LRRC7: variants seen among roughly 807,000 people sequenced by gnomAD.
LRRC7 encodes the protein leucine-rich repeat-containing protein 7.
In LRRC7, 23 loss-of-function variants were observed where a neutral mutation model predicts 175.7. The ratio of observed to expected loss-of-function variants is 0.13; its 90% confidence interval spans 0.09 to 0.19. The LOEUF (loss-of-function observed/expected upper bound fraction) is 0.19. Ranked by LOEUF, LRRC7 falls within the 10% of genes least tolerant of loss-of-function variation. The probability of loss-of-function intolerance (pLI) is 1.00; values close to 1 mark genes in which losing one functional copy is unlikely to be tolerated. For missense variants in LRRC7, 1,354 were observed against 1,904.7 expected (o/e 0.71, Z 5.38); for synonymous variants, 685 against 680.9 (o/e 1.01, Z -0.09).
chr1:70,037,026 C>G (rs1431116029), intron 20 of LRRC7, among the ~76,000 whole-genome samples: 1 of 152,050 alleles, frequency 6.6e-6, no homozygotes, highest in Non-Finnish European at 1.5e-5. Flanking sequence ...TCATTGCTAT[C>G]GTCATCATAA....
At chr1:70,054,363 A>T (rs12563554) in intron 23 of LRRC7, among the ~76,000 whole-genome samples, 4 of 152,178 alleles carry the variant, frequency 2.6e-5, no homozygotes, top group Non-Finnish European at 5.9e-5. Flanking sequence ...CATATGTAAT[A>T]CCATGTTTAC....
chr1:69,664,989 G>C (rs1170904396), intron 1 of LRRC7, among the ~76,000 whole-genome samples: 2 of 152,118 alleles, frequency 1.3e-5, no homozygotes, highest in Non-Finnish European at 2.9e-5. Context: ...TATATGGTGA[G>C]AGATAGGTGT....
chr1:70,084,592 T>C (rs1663463838), intron 24 of LRRC7, among the ~76,000 whole-genome samples: 1 of 152,192 alleles, frequency 6.6e-6, no homozygotes, highest in Non-Finnish European at 1.5e-5. Flanking sequence ...TTTTGGCTAT[T>C]AAGAATAGCA....
intron 1 of LRRC7, chr1:69,608,041 T>G (rs1037099232): frequency 6.5e-6 from 1 of 152,764 alleles, no homozygotes; most frequent in Non-Finnish European, 1.5e-5. Flanking sequence ...ATAGCTGACG[T>G]GGGAGGTAGT....
intron 4 of LRRC7, among the ~76,000 whole-genome samples, chr1:69,809,912 T>A (rs1677618014): frequency 1.3e-5 from 2 of 152,164 alleles, no homozygotes; most frequent in African/African-American, 4.8e-5. Flanking sequence ...GTATTGGAAG[T>A]TCTGGCCAGG....
intron 1 of LRRC7, among the ~76,000 whole-genome samples, chr1:69,668,954 G>A (rs1410823644): frequency 6.6e-6 from 1 of 152,132 alleles, no homozygotes; most frequent in Admixed American, 6.5e-5. Context: ...CTTTTGAGAA[G>A]TGTCTGTTCA....
At chr1:69,903,151 G>T (rs912717655) in intron 7 of LRRC7, among the ~76,000 whole-genome samples, 1 of 152,178 alleles carries the variant, frequency 6.6e-6, no homozygotes, top group African/African-American at 2.4e-5. Context: ...AGTGAAATTT[G>T]TTCTTAAGTT....
At chr1:69,960,959 A>T (rs1017373160) in intron 8 of LRRC7, among the ~76,000 whole-genome samples, 15 of 152,158 alleles carry the variant, frequency 9.9e-5, no homozygotes, top group Non-Finnish European at 1.9e-4. Context: ...CCTATTCAAC[A>T]TAGTATTGGA....
chr1:69,660,813 G>T (rs116652946), intron 1 of LRRC7, among the ~76,000 whole-genome samples: 1,633 of 152,182 alleles, frequency 0.011, 30 homozygotes, highest in African/African-American at 0.038. Context: ...TCCTTGGAGT[G>T]TTGGAGGCAG....
rs978311612 is a variant in LRRC7, at chr1:70,127,382, C to T, written c.*5495C>T. 2.0e-5 allele frequency among the ~76,000 whole-genome samples: 3 copies of T among 152,056 alleles called. No individual in the cohort carries two copies. Among genetic ancestry groups the T allele is most frequent in the East Asian group, 1.9e-4 (1 of 5,176 alleles). On this transcript the variant is annotated 3_prime_UTR_variant, in exon 27 of 27. Transcript: ENST00000651989. ...GAGAATTCAGAGATTTTTGAAAAAC[C>T]GAGGGGGCAAGTCTACTCTAAGTTT...
intron 1 of LRRC7, among the ~76,000 whole-genome samples, chr1:69,626,542 A>C (rs2100348590): frequency 6.6e-6 from 1 of 151,926 alleles, no homozygotes. Flanking sequence ...CATTTCTTAT[A>C]ATACTTTATT....
At chr1:70,034,373 TA>T (rs147172791) in intron 18 of LRRC7, among the ~76,000 whole-genome samples, 32,601 of 149,662 alleles carry the variant, frequency 0.22, 3,539 homozygotes, top group African/African-American at 0.24. Context: ...AAAGGATTTA[TA>T]AAAAAAAAAG....
At chr1:69,820,177 CT>C (rs1679113245) in intron 4 of LRRC7, among the ~76,000 whole-genome samples, 1 of 150,958 alleles carries the variant, frequency 6.6e-6, no homozygotes, top group African/African-American at 2.4e-5. Context: ...TTATTTTTAT[CT>C]TCTGTGTATC....
chr1:70,082,202 A>G (rs2102147344), intron 24 of LRRC7, among the ~76,000 whole-genome samples: 1 of 152,328 alleles, frequency 6.6e-6, no homozygotes, highest in Admixed American at 6.5e-5. Context: ...TGGTGTAAGA[A>G]GAAACATTTG....
At position 70,137,208 on chromosome 1, in the gene LRRC7, C is replaced by G. The variant is rs989394107; in HGVS notation, c.*15321C>G. ...GAGAGATAGTCACAGGTTAGCTAAGCTCCAGCTTTTCACTTTTCTTGACTC... is the reference window on the plus strand; with the variant it reads ...GAGAGATAGTCACAGGTTAGCTAAGGTCCAGCTTTTCACTTTTCTTGACTC... On this transcript the variant is annotated 3_prime_UTR_variant, in exon 27 of 27. Transcript: ENST00000651989. 2.6e-5 allele frequency among the ~76,000 whole-genome samples: 4 copies of G among 152,176 alleles called. No homozygotes were observed. The highest frequency in any genetic ancestry group is 4.8e-5 in the African/African-American group (2 of 41,436).
chr1:69,781,937 A>AAAGAAAGAAAGAG (rs1445151123), intron 3 of LRRC7, among the ~76,000 whole-genome samples: 12 of 140,578 alleles, frequency 8.5e-5, no homozygotes, highest in Non-Finnish European at 1.9e-4. Flanking sequence ...AGAAAGAAAG[A>AAAGAAAGAAAGAG]AAGAGAAAAG....
chr1:69,676,363 C>A (rs539061352), intron 1 of LRRC7, among the ~76,000 whole-genome samples: 1 of 152,094 alleles, frequency 6.6e-6, no homozygotes, highest in South Asian at 2.1e-4. Context: ...GTTATCAAAA[C>A]CAGTGATATC....
chr1:69,839,203 C>T (rs1681456948), intron 7 of LRRC7: 1 of 158,218 alleles, frequency 6.3e-6, no homozygotes, highest in African/African-American at 2.4e-5. Flanking sequence ...AACAACATAC[C>T]TTCAAGTGCA....
intron 25 of LRRC7, among the ~76,000 whole-genome samples, chr1:70,095,006 C>G (rs1664289446): frequency 6.6e-6 from 1 of 152,062 alleles, no homozygotes; most frequent in South Asian, 2.1e-4. Context: ...TATTAAACTA[C>G]TTTTAGCACA....
Sources: gnomAD v4.1 joint callset for allele counts (sites outside exome capture counted in the v4.1 genomes callset) on GRCh38, gnomAD v4.1.1 for gene constraint, MANE v1.5 for transcripts, NCBI Gene and HGNC (gene_info 2026-07-23, HGNC 2026-07-21) for gene names.